Variants in GALNT11 observed in about 807,000 individuals in gnomAD.
The protein encoded by GALNT11 is polypeptide N-acetylgalactosaminyltransferase 11.
A neutral mutation model predicts 72.7 loss-of-function variants in GALNT11; 47 were observed. That is an observed-to-expected ratio of 0.65 (90% confidence interval 0.51 to 0.82). The LOEUF is 0.82. Among genes scored for constraint, GALNT11 ranks in the 40% least tolerant of loss-of-function variants. The probability of loss-of-function intolerance (pLI) is 0.00; values close to 1 mark genes in which losing one functional copy is unlikely to be tolerated. For synonymous variants in GALNT11, 270 were observed against 286.6 expected (o/e 0.94, Z 0.58); for missense variants, 677 against 778.4 (o/e 0.87, Z 1.55).
intron 5 of GALNT11, among the ~76,000 whole-genome samples, chr7:152,106,582 A>T (rs2129055038): frequency 6.6e-6 from 1 of 152,348 alleles, no homozygotes; most frequent in East Asian, 1.9e-4. Flanking sequence ...GGAGTTATTT[A>T]AGGCAAAGCA....
intron 2 of GALNT11, among the ~76,000 whole-genome samples, chr7:152,099,756 C>CTTT (rs959548417): frequency 7.2e-4 from 64 of 88,692 alleles, no homozygotes; most frequent in Middle Eastern, 9.4e-3. Flanking sequence ...AACTGTGAAG[C>CTTT]TTTTTTTTTT....
intron 3 of GALNT11, 82 bp from the exon 4 acceptor site, chr7:152,103,030 A>ACAG (rs1340987867): frequency 8.0e-7 from 1 of 1,250,930 alleles, no homozygotes; most frequent in Non-Finnish European, 1.1e-6. Flanking sequence ...GAACAAGGGG[A>ACAG]CAGTAAATCT....
At chr7:152,054,728 A>T (rs181991572) in intron 1 of GALNT11, among the ~76,000 whole-genome samples, 236 of 151,224 alleles carry the variant, frequency 1.6e-3, no homozygotes, top group African/African-American at 5.5e-3. Context: ...CATGTTGCCC[A>T]GGCTGGTCTT....
intron 1 of GALNT11, chr7:152,075,143 C>A (rs2084881652): frequency 6.6e-6 from 1 of 152,302 alleles, no homozygotes; most frequent in Admixed American, 6.5e-5. Flanking sequence ...CACCGAGCAT[C>A]CAGCACCAGC....
At chr7:152,069,552 A>G (rs1438529952) in intron 1 of GALNT11, among the ~76,000 whole-genome samples, 1 of 152,152 alleles carries the variant, frequency 6.6e-6, no homozygotes, top group Non-Finnish European at 1.5e-5. Context: ...TTGTCTCTGT[A>G]TATTTTTCTT....
At chr7:152,053,659 C>T (rs1003140670) in intron 1 of GALNT11, among the ~76,000 whole-genome samples, 2 of 152,092 alleles carry the variant, frequency 1.3e-5, no homozygotes, top group African/African-American at 2.4e-5. Context: ...AAATGTGTAA[C>T]GGTTTCCGAG....
intron 1 of GALNT11, among the ~76,000 whole-genome samples, chr7:152,087,125 C>T (rs2085699294): frequency 6.6e-6 from 1 of 152,202 alleles, no homozygotes; most frequent in Non-Finnish European, 1.5e-5. Context: ...CCTATTGGAG[C>T]TTACTTCCTG....
intron 1 of GALNT11, among the ~76,000 whole-genome samples, chr7:152,081,585 A>C (rs1461783688): frequency 3.9e-5 from 6 of 152,178 alleles, no homozygotes; most frequent in African/African-American, 1.4e-4. Flanking sequence ...TGTTATTTGC[A>C]TGTTTTTGTA....
At chr7:152,116,602 G>A (rs1464277922) in intron 8 of GALNT11, among the ~76,000 whole-genome samples, 1 of 152,092 alleles carries the variant, frequency 6.6e-6, no homozygotes, top group Non-Finnish European at 1.5e-5. Flanking sequence ...ATTCCACATC[G>A]TAACTAGACT....
chr7:152,028,203 AT>A (rs1374214248), intron 1 of GALNT11, among the ~76,000 whole-genome samples: 1 of 152,196 alleles, frequency 6.6e-6, no homozygotes, highest in Admixed American at 6.5e-5. Flanking sequence ...GCCTGCTTTT[AT>A]TCCCTTATTT....
intron 6 of GALNT11, among the ~76,000 whole-genome samples, chr7:152,109,006 C>T (rs2087886381): frequency 6.8e-6 from 1 of 146,064 alleles, no homozygotes; most frequent in South Asian, 2.2e-4. Flanking sequence ...ATGTTGTTAT[C>T]GTTGCTTATT....
intron 5 of GALNT11, among the ~76,000 whole-genome samples, chr7:152,107,041 C>T (rs994235993): frequency 4.6e-5 from 7 of 152,132 alleles, no homozygotes; most frequent in Admixed American, 2.0e-4. Flanking sequence ...GACTGATTCA[C>T]GGGCATCATT....
intron 1 of GALNT11, among the ~76,000 whole-genome samples, chr7:152,031,141 C>T (rs1196914146): frequency 6.6e-6 from 1 of 152,232 alleles, no homozygotes; most frequent in African/African-American, 2.4e-5. Context: ...ACTAGTTCTC[C>T]TGACTGGGTG....
intron 1 of GALNT11, among the ~76,000 whole-genome samples, chr7:152,088,786 A>G (rs2085817759): frequency 6.6e-6 from 1 of 152,056 alleles, no homozygotes; most frequent in Non-Finnish European, 1.5e-5. Context: ...CAGGTTCCTG[A>G]TTTTCCAGAG....
intron 2 of GALNT11, among the ~76,000 whole-genome samples, chr7:152,096,126 C>G (rs2086355041): frequency 6.6e-6 from 1 of 152,096 alleles, no homozygotes; most frequent in Non-Finnish European, 1.5e-5. Context: ...TCAAAGTAAA[C>G]CTACACACAT....
chr7:152,060,626 C>A (rs548193197), intron 1 of GALNT11, among the ~76,000 whole-genome samples: 15 of 151,968 alleles, frequency 9.9e-5, no homozygotes, highest in Non-Finnish European at 1.3e-4. Flanking sequence ...CCCTCCCCCC[C>A]CTCCACCCCA....
At chr7:152,091,585 C>T (rs2086044127) in intron 1 of GALNT11, among the ~76,000 whole-genome samples, 1 of 151,944 alleles carries the variant, frequency 6.6e-6, no homozygotes, top group African/African-American at 2.4e-5. Context: ...ACCATGTTGC[C>T]CAGGCTGGTC....
At chr7:152,059,511 C>T (rs184567176) in intron 1 of GALNT11, among the ~76,000 whole-genome samples, 309 of 152,264 alleles carry the variant, frequency 2.0e-3, no homozygotes, top group East Asian at 3.7e-3. Context: ...TATAGTCTTA[C>T]GCAATTTATT....
At chr7:152,078,928 CAG>C (rs1189643141) in intron 1 of GALNT11, among the ~76,000 whole-genome samples, 1 of 152,176 alleles carries the variant, frequency 6.6e-6, no homozygotes, top group African/African-American at 2.4e-5. Context: ...AATGGGCAGT[CAG>C]GGGGCAGAGC....
Sources: allele counts gnomAD v4.1 joint callset (sites outside exome capture counted in the v4.1 genomes callset), GRCh38; gene constraint gnomAD v4.1.1; transcripts MANE v1.5; gene names NCBI Gene and HGNC (gene_info 2026-07-23, HGNC 2026-07-21).